Variants in ETS1 observed in about 807,000 individuals in gnomAD.
ETS1 encodes the protein ETS proto-oncogene 1, transcription factor.
A neutral mutation model predicts 58.6 loss-of-function variants in ETS1; 15 were observed. That is an observed-to-expected ratio of 0.26 (90% CI 0.17 to 0.39). ETS1 has a LOEUF of 0.39. Among genes scored for constraint, ETS1 ranks in the 10% least tolerant of loss-of-function variants. The pLI is 1.00. For synonymous variants in ETS1, 214 were observed against 218.2 expected, an observed-to-expected ratio of 0.98 and a Z score of 0.17; for missense variants, 417 against 610.5, an observed-to-expected ratio of 0.68 and a Z score of 3.34.
intron 3 of ETS1, among the ~76,000 whole-genome samples, chr11:128,503,942 A>G (rs1223256879): frequency 6.6e-6 from 1 of 152,154 alleles, no homozygotes; most frequent in Non-Finnish European, 1.5e-5. Flanking sequence ...AAACACACCA[A>G]AAACCGATGG....
At chr11:128,569,097 G>A (rs895926768) in intron 2 of ETS1, among the ~76,000 whole-genome samples, 1 of 152,124 alleles carries the variant, frequency 6.6e-6, no homozygotes, top group African/African-American at 2.4e-5. Context: ...ATGGATAATT[G>A]TTTGTCATAG....
intron 8 of ETS1, among the ~76,000 whole-genome samples, chr11:128,474,850 C>G (rs1862279744): frequency 6.6e-6 from 1 of 152,196 alleles, no homozygotes; most frequent in East Asian, 1.9e-4. Flanking sequence ...TTCTCATTCC[C>G]AAGCTCTTTT....
rs1861952701 is a variant in ETS1 at position 128,463,364 on chromosome 11, C to G, written c.1242+145G>C. The G allele has an allele frequency of 2.7e-5, 17 of 631,124 alleles. No individual in the cohort carries two copies. In the South Asian group the frequency reaches 3.0e-4, roughly 11 times the overall value. 39.1% of individuals were successfully genotyped at this position (631,124 alleles called of 1,614,324 possible). A position where few individuals can be genotyped will look rare whatever the true frequency, so the allele number is the denominator to read the frequency against. ...CCAAATAATGAACCTGGAGCTCAGA[C>G]AGGCTACCTAGCTTGCTCCGGGTGG... On this transcript the variant is annotated intron_variant, in intron 9 of 9. Transcript: ENST00000392668. This position sits in a 1 kb window ranked among gnomAD's most constrained non-coding sequence, Gnocchi z 4.1.
At chr11:128,524,531 T>C (rs1428903125) in intron 3 of ETS1, among the ~76,000 whole-genome samples, 2 of 152,244 alleles carry the variant, frequency 1.3e-5, no homozygotes, top group Admixed American at 1.3e-4. Context: ...ATTTTTTACA[T>C]ATTTAAGATA....
At chr11:128,482,276 G>C (rs894142601) in intron 7 of ETS1, among the ~76,000 whole-genome samples, 2 of 152,076 alleles carry the variant, frequency 1.3e-5, no homozygotes, top group African/African-American at 4.8e-5. Context: ...GAAATTCTGT[G>C]GCGTCTCATA....
chr11:128,551,419 C>T (rs892775411), intron 3 of ETS1, among the ~76,000 whole-genome samples: 1 of 152,172 alleles, frequency 6.6e-6, no homozygotes, highest in African/African-American at 2.4e-5. Context: ...GGAATCTCAG[C>T]GTATCTCCCA....
At chr11:128,552,384 A>C (rs866709851) in intron 3 of ETS1, among the ~76,000 whole-genome samples, 7 of 152,196 alleles carry the variant, frequency 4.6e-5, no homozygotes, top group East Asian at 1.9e-4. Context: ...AAGAAAAAGT[A>C]TTGTCTTGTT....
intron 1 of ETS1, among the ~76,000 whole-genome samples, chr11:128,583,790 T>A (rs916822043): frequency 2.0e-5 from 3 of 152,230 alleles, no homozygotes; most frequent in African/African-American, 4.8e-5. Context: ...TGTTGCTTAC[T>A]CTCATGCTAG....
chr11:128,577,480 A>C (rs1864774774), intron 1 of ETS1, among the ~76,000 whole-genome samples: 1 of 152,216 alleles, frequency 6.6e-6, no homozygotes, highest in African/African-American at 2.4e-5. Context: ...GGGGAGATTT[A>C]GTTCATTTAT....
In ETS1 at chr11:128,485,082, A is replaced by C. The variant is rs1020274661; in HGVS notation, c.614-11T>G. 6.9e-6 allele frequency: 11 copies of C among 1,605,262 alleles called. No homozygotes were observed. The Admixed American group carries it at 1.5e-4, about 22-fold the overall frequency. On this transcript the variant is annotated splice_polypyrimidine_tract_variant and intron_variant, in intron 6 of 9. Coordinates refer to ENST00000392668, the MANE Select transcript of ETS1 (RefSeq NM_001143820.2). ...GCTCAATACCATAGCCTGGAAACAAAGGGTTTGCAAGTAAAGAGAGGAGAG... is the reference window on the plus strand; with the variant it reads ...GCTCAATACCATAGCCTGGAAACAACGGGTTTGCAAGTAAAGAGAGGAGAG...
At chr11:128,488,311 AAAG>A (rs1287017708) in intron 5 of ETS1, among the ~76,000 whole-genome samples, 2 of 152,212 alleles carry the variant, frequency 1.3e-5, no homozygotes, top group African/African-American at 4.8e-5. Context: ...CAGAAAGTGA[AAAG>A]AAGGAATAAA....
At chr11:128,573,021 G>C in intron 2 of ETS1, 41 bp downstream of exon 2, 1 of 1,528,198 alleles carries the variant, frequency 6.5e-7, no homozygotes, top group Non-Finnish European at 9.0e-7. Flanking sequence ...GAGGGGAGAA[G>C]ATTGTGTGGG....
intron 3 of ETS1, among the ~76,000 whole-genome samples, chr11:128,525,706 AAC>A (rs1863788558): frequency 6.6e-6 from 1 of 151,998 alleles, no homozygotes; most frequent in African/African-American, 2.4e-5. Context: ...GAGAAAAGGC[AAC>A]AGTCTCTGTC....
At chr11:128,498,578 A>C (rs1863004889) in intron 3 of ETS1, among the ~76,000 whole-genome samples, 1 of 152,244 alleles carries the variant, frequency 6.6e-6, no homozygotes, top group Non-Finnish European at 1.5e-5. Flanking sequence ...AAAACGTCCT[A>C]AGAGTTCCAC....
At chr11:128,535,499 C>A (rs1266687315) in intron 3 of ETS1, among the ~76,000 whole-genome samples, 1 of 152,122 alleles carries the variant, frequency 6.6e-6, no homozygotes, top group Non-Finnish European at 1.5e-5. Context: ...GAAATCTTTG[C>A]CCGTGCCTGA....
intron 1 of ETS1, among the ~76,000 whole-genome samples, chr11:128,579,559 G>T (rs1275554089): frequency 6.6e-6 from 1 of 151,714 alleles, no homozygotes; most frequent in Non-Finnish European, 1.5e-5. Flanking sequence ...TACTTGGGAG[G>T]CTGAGGCAGA....
intron 3 of ETS1, among the ~76,000 whole-genome samples, chr11:128,534,736 T>C (rs1246674281): frequency 6.6e-6 from 1 of 152,182 alleles, no homozygotes; most frequent in Admixed American, 6.5e-5. Context: ...TCCATCCATG[T>C]CCCTACAAAG....
intron 3 of ETS1, among the ~76,000 whole-genome samples, chr11:128,551,668 T>G (rs1031186477): frequency 6.6e-6 from 1 of 152,194 alleles, no homozygotes. Context: ...CCCTTTTCCA[T>G]GTATTTTCTC....
intron 5 of ETS1, among the ~76,000 whole-genome samples, chr11:128,487,688 G>A (rs1591608805): frequency 6.6e-6 from 1 of 152,086 alleles, no homozygotes; most frequent in Non-Finnish European, 1.5e-5. Flanking sequence ...GCAGTGAGCC[G>A]ACATCGCGCG....
Sources: gnomAD v4.1 joint callset for allele counts (sites outside exome capture counted in the v4.1 genomes callset) on GRCh38, gnomAD v4.1.1 for gene constraint, Gnocchi (gnomAD v3.1) non-coding constraint, MANE v1.5 for transcripts, NCBI Gene and HGNC (gene_info 2026-07-23, HGNC 2026-07-21) for gene names.